Variants in KDM2A observed in about 807,000 individuals in gnomAD.
The protein encoded by KDM2A is lysine demethylase 2A, also known as lysine-specific demethylase 2A.
KDM2A carries 3 observed loss-of-function variants against 137.3 expected under a neutral mutation model. The ratio of observed to expected loss-of-function variants is 0.02; its 90% confidence interval spans 0.01 to 0.06. The LOEUF is 0.06. Among genes scored for constraint, KDM2A ranks in the 10% least tolerant of loss-of-function variants. The pLI is 1.00. For synonymous variants in KDM2A, 512 were observed against 541.5 expected, an observed-to-expected ratio of 0.95 and a Z score of 0.76; for missense variants, 738 against 1,510.6, an observed-to-expected ratio of 0.49 and a Z score of 8.48.
chr11:67,172,829 C>A (rs1231067997), intron 2 of KDM2A, among the ~76,000 whole-genome samples: 1 of 151,998 alleles, frequency 6.6e-6, no homozygotes, highest in Non-Finnish European at 1.5e-5. Context: ...ATAAACATAT[C>A]TTTGTCTTGT....
rs942526256 is a variant in KDM2A at position 67,254,015 on chromosome 11, A to C, written c.3092-188A>C. On this transcript the variant is annotated intron_variant, in intron 19 of 20. Transcript: ENST00000529006. The surrounding 1 kb of genome is among the most constrained non-coding windows in gnomAD (Gnocchi z 4.7). ...AATCTAGCAGCTTGAGAAGAAAGAA[A>C]ACTTGTCTGGTTTCCTAGAAACTGC... 6.6e-6 allele frequency among the ~76,000 whole-genome samples: 1 copy of C among 152,136 alleles called. No individual in the cohort carries two copies. The highest frequency in any genetic ancestry group is 1.5e-5 in the Non-Finnish European group (1 of 68,018).
At chr11:67,161,803 C>T (rs1214317978) in intron 2 of KDM2A, among the ~76,000 whole-genome samples, 1 of 152,054 alleles carries the variant, frequency 6.6e-6, no homozygotes, top group Non-Finnish European at 1.5e-5. Flanking sequence ...TGTAGACTTT[C>T]CAGAAGTATA....
At chr11:67,192,927 T>C (rs750113380) in intron 5 of KDM2A, among the ~76,000 whole-genome samples, 1 of 152,066 alleles carries the variant, frequency 6.6e-6, no homozygotes, top group Non-Finnish European at 1.5e-5. Flanking sequence ...AGTAGGAGAG[T>C]GTCCTTTGTT....
chr11:67,252,154 G>T (rs996730483), intron 17 of KDM2A, among the ~76,000 whole-genome samples: 2 of 152,210 alleles, frequency 1.3e-5, no homozygotes, highest in Non-Finnish European at 2.9e-5. Flanking sequence ...AGAGGACTCT[G>T]TAAGCCTGAT....
In KDM2A at chr11:67,255,486, TGTG is replaced by T. The variant is rs553307061; in HGVS notation, c.*435_*437del. On this transcript the variant is annotated 3_prime_UTR_variant, in exon 21 of 21. Transcript: ENST00000529006. ...GGCCCTGTCTCCATGGCCAGGTTCT[TGTG>T]GTGTCCAGTGCGCGTCTCTCCTCCA... The T allele has an allele frequency of 2.5e-3, 1,125 of 458,510 alleles. 8 individuals are homozygous for T. The highest frequency in any genetic ancestry group is 3.1e-3 in the Non-Finnish European group (701 of 228,256). 28.4% of individuals were successfully genotyped at this position (458,510 alleles called of 1,614,324 possible). A position where few individuals can be genotyped will look rare whatever the true frequency, so the allele number is the denominator to read the frequency against.
chr11:67,205,192 C>G (rs902320993), intron 5 of KDM2A, among the ~76,000 whole-genome samples: 1 of 152,114 alleles, frequency 6.6e-6, no homozygotes, highest in South Asian at 2.1e-4. Flanking sequence ...TAAATTATAG[C>G]GATCCTAGTG....
intron 2 of KDM2A, among the ~76,000 whole-genome samples, chr11:67,132,588 G>A (rs1855878978): frequency 6.6e-6 from 1 of 152,114 alleles, no homozygotes; most frequent in African/African-American, 2.4e-5. Flanking sequence ...CGTCCAGCCA[G>A]TTTGTTTTTA....
chr11:67,177,922 G>GATT lies in KDM2A; in HGVS notation c.43-2155_43-2154insTAT, dbSNP rs1857005238. On this transcript the variant is annotated intron_variant, in intron 2 of 20. Coordinates refer to ENST00000529006, the MANE Select transcript of KDM2A (RefSeq NM_012308.3). ...CCTGATGGCAACAGTGTCACTAAGAGATAAGCATTTTTTAGTTCTACTGTA... is the reference window on the plus strand; with the variant it reads ...CCTGATGGCAACAGTGTCACTAAGAGATTATAAGCATTTTTTAGTTCTACTGTA... Among the ~76,000 whole-genome samples, 3 of 152,258 alleles carry GATT rather than the reference G, an allele frequency of 2.0e-5. No homozygotes were observed. The South Asian group carries it at 6.2e-4, about 32-fold the overall frequency.
At chr11:67,235,582 C>T (rs1210114502) in intron 12 of KDM2A, among the ~76,000 whole-genome samples, 4 of 151,698 alleles carry the variant, frequency 2.6e-5, no homozygotes, top group East Asian at 1.9e-4. Context: ...GAATTACAGG[C>T]GTGACACCGC....
At chr11:67,244,215 T>C (rs1389280955) in intron 13 of KDM2A, among the ~76,000 whole-genome samples, 1 of 152,206 alleles carries the variant, frequency 6.6e-6, no homozygotes, top group African/African-American at 2.4e-5. Context: ...GTCAGAAAAG[T>C]GTTTAAGATA....
intron 2 of KDM2A, among the ~76,000 whole-genome samples, chr11:67,134,374 A>G (rs1855926906): frequency 6.6e-6 from 1 of 152,234 alleles, no homozygotes; most frequent in Non-Finnish European, 1.5e-5. Context: ...ACGATGAATG[A>G]ACAGGTCCAG....
chr11:67,207,432 A>C, intron 5 of KDM2A, 78 bp from the exon 6 acceptor site: 1 of 1,156,122 alleles, frequency 8.6e-7, no homozygotes, highest in South Asian at 2.5e-5. Flanking sequence ...TTTTTCTTCT[A>C]CTTTTTAAAA....
chr11:67,169,115 C>G (rs1390293112), intron 2 of KDM2A, among the ~76,000 whole-genome samples: 1 of 151,810 alleles, frequency 6.6e-6, no homozygotes, highest in East Asian at 1.9e-4. Context: ...GCCACCGCGC[C>G]TGGCCAATTT....
At chr11:67,230,654 A>G (rs1050121129) in intron 11 of KDM2A, among the ~76,000 whole-genome samples, 20 of 152,120 alleles carry the variant, frequency 1.3e-4, no homozygotes, top group Non-Finnish European at 1.2e-4. Context: ...CATAAAAAAA[A>G]AAAACCCACA....
intron 2 of KDM2A, among the ~76,000 whole-genome samples, chr11:67,158,697 A>G (rs1856573378): frequency 1.3e-5 from 2 of 152,012 alleles, no homozygotes; most frequent in African/African-American, 4.8e-5. Flanking sequence ...GTGTCTCACT[A>G]TGTTACCCGG....
At chr11:67,141,954 T>A (rs1203344466) in intron 2 of KDM2A, among the ~76,000 whole-genome samples, 1 of 152,058 alleles carries the variant, frequency 6.6e-6, no homozygotes, top group African/African-American at 2.4e-5. Flanking sequence ...TATTTCATGT[T>A]ATTTAATATT....
At chr11:67,146,095 G>A (rs1004139330) in intron 2 of KDM2A, among the ~76,000 whole-genome samples, 1 of 150,124 alleles carries the variant, frequency 6.7e-6, no homozygotes, top group Non-Finnish European at 1.5e-5. Context: ...GGGTTCAAGC[G>A]ATTCTCCTGT....
At chr11:67,127,533 T>G (rs779479977) in intron 2 of KDM2A, among the ~76,000 whole-genome samples, 2 of 152,138 alleles carry the variant, frequency 1.3e-5, no homozygotes, top group Non-Finnish European at 1.5e-5. Context: ...GCATGTTCAA[T>G]CCTGTTAACC....
In KDM2A at chr11:67,129,890, G is replaced by A. The variant is rs181631734; in HGVS notation, c.42+8532G>A. 4.0e-3 allele frequency among the ~76,000 whole-genome samples: 595 copies of A among 147,880 alleles called. 1 individual carries two copies. The highest frequency in any genetic ancestry group is 0.013 in the African/African-American group (513 of 38,928). On this transcript the variant is annotated intron_variant, in intron 2 of 20. Coordinates refer to ENST00000529006, the MANE Select transcript of KDM2A (RefSeq NM_012308.3). The stretch of plus-strand genomic sequence containing the variant: ...CGTGCCACTGCACTCCAGCCTGGGC[G>A]ACAGAGACTCTGTCTCAAAAAAAAA...
Sources: gnomAD v4.1 joint callset for allele counts (sites outside exome capture counted in the v4.1 genomes callset) on GRCh38, gnomAD v4.1.1 for gene constraint, Gnocchi (gnomAD v3.1) non-coding constraint, MANE v1.5 for transcripts, NCBI Gene and HGNC (gene_info 2026-07-23, HGNC 2026-07-21) for gene names.